Variants in SMC2 observed in about 807,000 individuals in gnomAD.
The protein encoded by SMC2 is structural maintenance of chromosomes protein 2.
A neutral mutation model predicts 142.6 loss-of-function variants in SMC2; 41 were observed. The ratio of observed to expected loss-of-function variants is 0.29; its 90% CI spans 0.22 to 0.37. SMC2 has a LOEUF of 0.37. Ranked by LOEUF, SMC2 falls within the 10% of genes least tolerant of loss-of-function variation. The pLI, the probability that SMC2 is intolerant of heterozygous loss-of-function variation, is 1.00. For synonymous variants in SMC2, 463 were observed against 457.5 expected (o/e 1.01, Z -0.15); for missense variants, 1,265 against 1,373.7 (o/e 0.92, Z 1.25).
chr9:104,100,250 C>A, intron 6 of SMC2, 47 bp downstream of exon 6: 1 of 1,436,880 alleles, frequency 7.0e-7, no homozygotes, highest in African/African-American at 1.5e-5. Context: ...TGTAATTTTG[C>A]ATGTAGAGTT....
At chr9:104,091,842 TGTA>T (rs1829984838), upstream of SMC2, among the ~76,000 whole-genome samples, 1 of 111,370 alleles carries the variant, frequency 9.0e-6, no homozygotes, top group Non-Finnish European at 1.9e-5. Context: ...GCTTTGTGGC[TGTA>T]TGTGTGTCCT....
intron 23 of SMC2, chr9:104,135,799 A>G (rs749684270): frequency 7.7e-6 from 4 of 517,814 alleles, no homozygotes; most frequent in Admixed American, 3.9e-5. Flanking sequence ...CTGAAAGTAT[A>G]TGTCAACTTA....
chr9:104,096,060 G>A, intron 2 of SMC2, 88 bp from the exon 3 acceptor site: 1 of 1,260,394 alleles, frequency 7.9e-7, no homozygotes, highest in Non-Finnish European at 1.1e-6. Context: ...ACGTTGGTGG[G>A]TTTTCCAACA....
chr9:104,117,147 G>A (rs1833208935), intron 14 of SMC2, among the ~76,000 whole-genome samples: 3 of 152,162 alleles, frequency 2.0e-5, no homozygotes, highest in South Asian at 2.1e-4. Context: ...TAATTGAAAG[G>A]TGATGTTTTT....
chr9:104,098,264 C>T (rs1198735439), intron 3 of SMC2, among the ~76,000 whole-genome samples, 182 bp from the exon 4 acceptor site: 1 of 152,202 alleles, frequency 6.6e-6, no homozygotes, highest in Non-Finnish European at 1.5e-5. Context: ...GCATTAGATA[C>T]TAGCTGTCCT....
Position 104,127,372 on chromosome 9 carries a change from A to G in SMC2, c.2682A>G (p.Ala894=), listed in dbSNP as rs1834427331. Residue 894 remains alanine (A), a synonymous_variant, in exon 20 of 25, where the codon GCA becomes GCG. Transcript: ENST00000374793. ...AQDTVIKAKY[A]EVAKHKEQNN... Reference sequence around the variant, plus strand: ...ACACTGTAATTAAAGCTAAATATGCAGAAGTGGCAAAACACAAGGAGCAAA... The same window carrying G: ...ACACTGTAATTAAAGCTAAATATGCGGAAGTGGCAAAACACAAGGAGCAAA... 9 of 1,613,976 alleles carry G rather than the reference A, an allele frequency of 5.6e-6. No homozygotes were observed. Among genetic ancestry groups the G allele is most frequent in the Non-Finnish European group, 7.6e-6 (9 of 1,179,866 alleles).
At chr9:104,112,124 G>C (rs181778645) in intron 10 of SMC2, among the ~76,000 whole-genome samples, 1 of 152,104 alleles carries the variant, frequency 6.6e-6, no homozygotes, top group Non-Finnish European at 1.5e-5. Context: ...ATTTATTCTT[G>C]TCTCTTTTTG....
chr9:104,138,821 CCTT>C (rs1008097505), intron 24 of SMC2, among the ~76,000 whole-genome samples: 34 of 152,208 alleles, frequency 2.2e-4, no homozygotes, highest in Admixed American at 2.2e-3. Flanking sequence ...GAACTTGAAA[CCTT>C]CTTTGATATT....
intron 20 of SMC2, 103 bp downstream of exon 20, chr9:104,127,583 G>A (rs1243760134): frequency 2.6e-6 from 2 of 778,384 alleles, no homozygotes; most frequent in African/African-American, 3.6e-5. Flanking sequence ...AAATATAAAT[G>A]GCAAAATTAC....
chr9:104,111,965 C>G (rs1832501529), intron 10 of SMC2, 151 bp downstream of exon 10: 3 of 601,462 alleles, frequency 5.0e-6, no homozygotes, highest in Non-Finnish European at 8.6e-6. Flanking sequence ...ATGCCTAATG[C>G]AGCGAAATTC....
chr9:104,123,784 A>G (rs1462434545), intron 17 of SMC2, among the ~76,000 whole-genome samples: 1 of 152,006 alleles, frequency 6.6e-6, no homozygotes, highest in Non-Finnish European at 1.5e-5. Context: ...TTTTGTGTTC[A>G]TAGTATTTTT....
rs16923732 is a variant in SMC2, at chr9:104,129,070, G to A, written c.2791-575G>A. On this transcript the variant is annotated intron_variant, in intron 20 of 24. Coordinates refer to ENST00000374793, the MANE Select transcript of SMC2 (RefSeq NM_006444.3). ...AATGGAGGTGCTTTGCGTATACTTC[G>A]TAAAAATTTCTCTGTGAGTTGGCTC... Among the ~76,000 whole-genome samples the A allele has an allele frequency of 5.4e-3, 815 of 152,230 alleles. 7 individuals are homozygous for A. Among genetic ancestry groups the A allele is most frequent in the African/African-American group, 0.019 (772 of 41,530 alleles).
intron 13 of SMC2, among the ~76,000 whole-genome samples, chr9:104,115,976 C>CTGA (rs1564092315): frequency 6.6e-6 from 1 of 151,776 alleles, no homozygotes; most frequent in Non-Finnish European, 1.5e-5. Context: ...TTTTCTTCGT[C>CTGA]TGATTATGTC....
Position 104,114,832 on chromosome 9 carries a change from A to T in SMC2, c.1671+3A>T. On this transcript the variant is annotated splice_donor_region_variant and intron_variant, in intron 13 of 24. Coordinates refer to ENST00000374793, the MANE Select transcript of SMC2 (RefSeq NM_006444.3). ...ACAATGTTGTAGTAGACACAGAAGTAAGTTGATTTTAATTTTAAAAAATTT... is the reference window on the plus strand; with the variant it reads ...ACAATGTTGTAGTAGACACAGAAGTTAGTTGATTTTAATTTTAAAAAATTT... The T allele has an allele frequency of 6.3e-7, 1 of 1,589,764 alleles. No individual in the cohort carries two copies. Among genetic ancestry groups the T allele is most frequent in the East Asian group, 2.2e-5 (1 of 44,672 alleles).
upstream of SMC2, among the ~76,000 whole-genome samples, chr9:104,094,048 C>A (rs569474604): frequency 6.6e-6 from 1 of 151,706 alleles, no homozygotes; most frequent in Non-Finnish European, 1.5e-5. Context: ...GCTGGCGAAG[C>A]GCGAGGACCC....
upstream of SMC2, chr9:104,094,123 C>A: frequency 2.8e-6 from 1 of 361,232 alleles, no homozygotes; most frequent in Non-Finnish European, 4.9e-6. Context: ...CTATCTGCTC[C>A]TGTAGTGCCC....
intron 11 of SMC2, among the ~76,000 whole-genome samples, chr9:104,113,744 TTGTA>T (rs1391462072): frequency 6.6e-6 from 1 of 152,152 alleles, no homozygotes; most frequent in African/African-American, 2.4e-5. Flanking sequence ...GGCATTCAGT[TTGTA>T]TGTTATTTTT....
At chr9:104,136,417 C>G (rs1443701728) in intron 23 of SMC2, among the ~76,000 whole-genome samples, 2 of 152,018 alleles carry the variant, frequency 1.3e-5, no homozygotes, top group Non-Finnish European at 2.9e-5. Flanking sequence ...CAGTTTAGTT[C>G]CCAATATCTT....
Position 104,118,381 on chromosome 9 carries a change from T to C in SMC2, c.1996+6T>C. On this transcript the variant is annotated splice_donor_region_variant and intron_variant, in intron 15 of 24. Coordinates refer to ENST00000374793, the MANE Select transcript of SMC2 (RefSeq NM_006444.3). ...TCATGGGACATTGAGTGGAGGTAAG[T>C]TTTATATCCTTTTCTCCTCACAATT... The C allele has an allele frequency of 1.2e-6, 2 of 1,605,120 alleles. No individual in the cohort carries two copies. Among genetic ancestry groups the C allele is most frequent in the Non-Finnish European group, 1.7e-6 (2 of 1,173,294 alleles).
Sources: gnomAD v4.1 joint callset for allele counts (sites outside exome capture counted in the v4.1 genomes callset) on GRCh38, gnomAD v4.1.1 for gene constraint, MANE v1.5 for transcripts, NCBI Gene and HGNC (gene_info 2026-07-23, HGNC 2026-07-21) for gene names.